Variants in PLEKHA6 observed in about 807,000 individuals in gnomAD.
PLEKHA6 encodes pleckstrin homology domain containing A6.
In PLEKHA6, 60 loss-of-function variants were observed where a neutral mutation model predicts 116.7. The ratio of observed to expected loss-of-function variants is 0.51; its 90% CI spans 0.42 to 0.64. PLEKHA6 has a LOEUF of 0.64. Ranked by LOEUF, PLEKHA6 falls within the 30% of genes least tolerant of loss-of-function variation. The probability of loss-of-function intolerance (pLI) is 0.00; values close to 1 mark genes in which losing one functional copy is unlikely to be tolerated. For synonymous variants in PLEKHA6, 489 were observed against 556.1 expected (o/e 0.88, Z 1.70); for missense variants, 1,338 against 1,422.7 (o/e 0.94, Z 0.96).
At chr1:204,266,615 G>A (rs1246385342) in intron 5 of PLEKHA6, among the ~76,000 whole-genome samples, 1 of 152,062 alleles carries the variant, frequency 6.6e-6, no homozygotes, top group Non-Finnish European at 1.5e-5. Context: ...TCAGGTGGCT[G>A]CAATACAGCA....
chr1:204,320,510 G>C (rs1352620191), intron 1 of PLEKHA6: 2 of 980,716 alleles, frequency 2.0e-6, no homozygotes, highest in Admixed American at 6.1e-5. Flanking sequence ...ATGACTCAGG[G>C]AAACAACTAG....
At chr1:204,264,359 A>C (rs1023000238) in intron 6 of PLEKHA6, among the ~76,000 whole-genome samples, 3 of 152,138 alleles carry the variant, frequency 2.0e-5, no homozygotes, top group African/African-American at 7.2e-5. Context: ...AGCAGGCAGG[A>C]AAGGCCCATG....
At position 204,259,354 on chromosome 1, in the gene PLEKHA6, T is replaced by G. The variant is rs761634442; in HGVS notation, c.911A>C (p.Asn304Thr). The change falls in exon 8 of 23, where the codon AAC (asparagine) becomes ACC (threonine). Residue 304 changes from asparagine (N) to threonine (T), a missense_variant. By Grantham distance (65) the Asn-to-Thr change is moderately conservative (BLOSUM62 0). Transcript: ENST00000272203. The surrounding 1 kb of genome is among the most constrained non-coding windows in gnomAD (Gnocchi z 4.6). ...CTTGCGCTGGGCAATTTTGTCAGGG[T>G]TGGTGCGTGGTGGGAAACTCCGCCG... Reference protein sequence around the residue: ...GHRRSFPPRTNPDKIAQRKSS... With the variant: ...GHRRSFPPRTTPDKIAQRKSS... The G allele has an allele frequency of 6.2e-7, 1 of 1,614,202 alleles. No homozygotes were observed. The highest frequency in any genetic ancestry group is 1.1e-5 in the South Asian group (1 of 91,088).
At chr1:204,314,991 C>T (rs564438793) in intron 1 of PLEKHA6, among the ~76,000 whole-genome samples, 2 of 152,288 alleles carry the variant, frequency 1.3e-5, no homozygotes, top group South Asian at 2.1e-4. Context: ...AACGCTGGCA[C>T]ACACTCCTGC....
intron 13 of PLEKHA6, among the ~76,000 whole-genome samples, 157 bp from the exon 14 acceptor site, chr1:204,245,883 C>G (rs1468097047): frequency 1.3e-5 from 2 of 151,820 alleles, no homozygotes; most frequent in Non-Finnish European, 2.9e-5. Flanking sequence ...CACACATGCC[C>G]CTCCAGCAGT....
At chr1:204,248,155 C>CTT (rs34335278) in intron 12 of PLEKHA6, among the ~76,000 whole-genome samples, 9,913 of 95,174 alleles carry the variant, frequency 0.1, 1,165 homozygotes, top group African/African-American at 0.19. Flanking sequence ...GGGCAGCAGC[C>CTT]TTTTTTTTTT....
intron 12 of PLEKHA6, 34 bp from the exon 13 acceptor site, chr1:204,247,494 G>A (rs779331446): frequency 5.0e-6 from 7 of 1,402,714 alleles, no homozygotes; most frequent in Admixed American, 1.7e-5. Context: ...TGAGAAAGCC[G>A]CCATCACCAA....
At chr1:204,249,320 G>C in intron 10 of PLEKHA6, 56 bp from the exon 11 acceptor site, 1 of 1,239,898 alleles carries the variant, frequency 8.1e-7, no homozygotes, top group South Asian at 1.2e-5. Context: ...GAAGGACATA[G>C]TTTGATGGGG....
At chr1:204,274,081 G>A (rs1449870376) in intron 2 of PLEKHA6, among the ~76,000 whole-genome samples, 1 of 152,054 alleles carries the variant, frequency 6.6e-6, no homozygotes, top group Non-Finnish European at 1.5e-5. Context: ...CCACAGGCAT[G>A]GGCCACCATG....
At position 204,259,174 on chromosome 1, in the gene PLEKHA6, G is replaced by A; in HGVS notation, c.1007+84C>T. The A allele has an allele frequency of 6.9e-7, 1 of 1,452,084 alleles. No individual in the cohort carries two copies. The highest frequency in any genetic ancestry group is 1.3e-5 in the South Asian group (1 of 76,052). The allele number at this position is 1,452,084 out of a possible 1,614,324, so 89.9% of individuals were successfully genotyped here. A position where few individuals can be genotyped will look rare whatever the true frequency, so the allele number is the denominator to read the frequency against. Reference sequence around the variant, plus strand: ...CTGCTTCCAGAAGGTTTCCAACAGGGGATGCCTCGTGGGCTATGACCCCAC... The same window carrying A: ...CTGCTTCCAGAAGGTTTCCAACAGGAGATGCCTCGTGGGCTATGACCCCAC... On this transcript the variant is annotated intron_variant, in intron 8 of 22. Coordinates refer to ENST00000272203, the MANE Select transcript of PLEKHA6 (RefSeq NM_014935.5). This position sits in a 1 kb window ranked among gnomAD's most constrained non-coding sequence, Gnocchi z 4.6.
rs1660597354 is a variant in PLEKHA6 at position 204,227,980 on chromosome 1, A to G, written c.3031+103T>C. 6 of 1,186,554 alleles carry G rather than the reference A, an allele frequency of 5.1e-6. No homozygotes were observed. In the South Asian group the frequency reaches 5.9e-5, roughly 12 times the overall value. The allele number at this position is 1,186,554 out of a possible 1,614,324, so 73.5% of individuals were successfully genotyped here. A position where few individuals can be genotyped will look rare whatever the true frequency, so the allele number is the denominator to read the frequency against. ...TCGAGGAGCATCTCCTCAGCCTTGTATCTCTTTGCTACTGCCCCCCTTGTA... is the reference window on the plus strand; with the variant it reads ...TCGAGGAGCATCTCCTCAGCCTTGTGTCTCTTTGCTACTGCCCCCCTTGTA... On this transcript the variant is annotated intron_variant, in intron 21 of 22. Transcript: ENST00000272203.
At chr1:204,377,136 T>C (rs1293655551) in intron 1 of PLEKHA6, among the ~76,000 whole-genome samples, 4 of 152,120 alleles carry the variant, frequency 2.6e-5, no homozygotes, top group African/African-American at 9.7e-5. Flanking sequence ...GGGCGAGGGT[T>C]GCCAGGAACT....
chr1:204,347,902 T>C (rs1257496627), intron 1 of PLEKHA6, among the ~76,000 whole-genome samples: 1 of 152,176 alleles, frequency 6.6e-6, no homozygotes, highest in East Asian at 1.9e-4. Context: ...AAATCAGCTC[T>C]TCTTGAAGCA....
intron 1 of PLEKHA6, chr1:204,307,863 C>T: frequency 1.0e-6 from 1 of 985,390 alleles, no homozygotes; most frequent in Non-Finnish European, 1.2e-6. Context: ...AGTTCAAGTC[C>T]AGGTGCTTAA....
At chr1:204,329,743 C>T (rs576639038) in intron 1 of PLEKHA6, among the ~76,000 whole-genome samples, 17 of 152,166 alleles carry the variant, frequency 1.1e-4, no homozygotes, top group Admixed American at 5.2e-4. Context: ...AAATCCAGAA[C>T]GTGAAAAACT....
chr1:204,342,042 G>A (rs1056172835), intron 1 of PLEKHA6, among the ~76,000 whole-genome samples: 7 of 152,162 alleles, frequency 4.6e-5, no homozygotes, highest in African/African-American at 1.2e-4. Context: ...AAAATTAACC[G>A]TGTGTGGTGG....
chr1:204,228,986 C>G lies in PLEKHA6; in HGVS notation c.2702G>C (p.Arg901Pro), dbSNP rs141091321. The G allele has an allele frequency of 6.2e-7, 1 of 1,614,032 alleles. No individual in the cohort carries two copies. Among genetic ancestry groups the G allele is most frequent in the Non-Finnish European group, 8.5e-7 (1 of 1,180,018 alleles). The change falls in exon 19 of 23, where the codon CGC becomes CCC. Residue 901 changes from arginine (R) to proline (P), a missense_variant. Arg to Pro is a moderately radical substitution (Grantham distance 103). This residue lies in a region of PLEKHA6 where 1,136 missense variants were observed against 1,163.6 expected (regional missense o/e 0.98). Coordinates refer to ENST00000272203, the MANE Select transcript of PLEKHA6 (RefSeq NM_014935.5). This position sits in a 1 kb window ranked among gnomAD's most constrained non-coding sequence, Gnocchi z 4.0. ...ATGCTGGGGCTCTAGCTCCATTTTGCGAAGCCGGGCAATTTCCTCCCGGGG... is the reference window on the plus strand; with the variant it reads ...ATGCTGGGGCTCTAGCTCCATTTTGGGAAGCCGGGCAATTTCCTCCCGGGG... ...ETPREEIARL[R>P]KMELEPQHYD...
At chr1:204,295,905 A>C (rs1670228964) in intron 1 of PLEKHA6, among the ~76,000 whole-genome samples, 1 of 152,298 alleles carries the variant, frequency 6.6e-6, no homozygotes, top group South Asian at 2.1e-4. Context: ...GAGCAGGGCA[A>C]TTTTCTAACT....
intron 1 of PLEKHA6, chr1:204,309,105 A>G: frequency 2.1e-6 from 2 of 944,824 alleles, no homozygotes; most frequent in South Asian, 4.9e-5. Context: ...TACTTTGTAC[A>G]GTGCTCAGCA....
Sources: gnomAD v4.1 joint callset for allele counts (sites outside exome capture counted in the v4.1 genomes callset) on GRCh38, gnomAD v4.1.1 for gene constraint, gnomAD v4.1.1 regional missense constraint, Gnocchi (gnomAD v3.1) non-coding constraint, MANE v1.5 for transcripts, NCBI Gene and HGNC (gene_info 2026-07-23, HGNC 2026-07-21) for gene names.